Variants in EHD4 observed in about 807,000 individuals in gnomAD.
The protein encoded by EHD4 is EH domain containing 4.
In EHD4, 37 loss-of-function variants were observed where a neutral mutation model predicts 51.0. That is an observed-to-expected ratio of 0.73 (90% confidence interval 0.56 to 0.95). The LOEUF (loss-of-function observed/expected upper bound fraction) is 0.95. Ranked by LOEUF, EHD4 falls within the 40% of genes least tolerant of loss-of-function variation. EHD4 has a pLI of 0.00. For synonymous variants in EHD4, 297 were observed against 317.3 expected, an observed-to-expected ratio of 0.94 and a Z score of 0.68; for missense variants, 632 against 733.1, an observed-to-expected ratio of 0.86 and a Z score of 1.59.
Position 41,900,740 on chromosome 15 carries a change from T to C in EHD4, c.1531A>G (p.Ile511Val), listed in dbSNP as rs371416573. The part of the protein sequence containing the change: ...EEEFALAKHL[I>V]KIKLDGYELP... The stretch of plus-strand genomic sequence containing the variant: ...TCGTAGCCGTCGAGCTTGATCTTGA[T>C]GAGGTGCTTGGCCAGCGCGAACTCC... Residue 511 changes from isoleucine to valine, a missense_variant, in exon 6 of 6, where the codon ATC becomes GTC. Coordinates refer to ENST00000220325, the MANE Select transcript of EHD4 (RefSeq NM_139265.4). This position sits in a 1 kb window ranked among gnomAD's most constrained non-coding sequence, Gnocchi z 4.8. The C allele has an allele frequency of 1.3e-5, 21 of 1,613,318 alleles. No homozygotes were observed. In the African/African-American group the frequency reaches 2.5e-4, roughly 19 times the overall value.
Position 41,903,457 on chromosome 15 carries a change from C to T in EHD4, c.1090-2276G>A, listed in dbSNP as rs1277455968. 2.3e-4 allele frequency among the ~76,000 whole-genome samples: 11 copies of T among 48,136 alleles called. No individual in the cohort carries two copies. The East Asian group carries it at 2.7e-3, about 12-fold the overall frequency. 31.6% of individuals were successfully genotyped at this position (48,136 alleles called of 152,430 possible). On this transcript the variant is annotated intron_variant, in intron 5 of 5. Transcript: ENST00000220325. ...ATTTCTAGCCATTAACATACATACACACACACACACACACACACACACACA... is the reference window on the plus strand; with the variant it reads ...ATTTCTAGCCATTAACATACATACATACACACACACACACACACACACACA...
At position 41,924,359 on chromosome 15, in the gene EHD4, C is replaced by T. The variant is rs545828398; in HGVS notation, c.512-4737G>A. 5.3e-5 allele frequency among the ~76,000 whole-genome samples: 8 copies of T among 152,304 alleles called. No homozygotes were observed. In the South Asian group the frequency reaches 8.3e-4, roughly 16 times the overall value. ...CTGGCTCCATCACTTACTAATTCTG[C>T]GACCTTGGGCAAATTACTTCACCTC... On this transcript the variant is annotated intron_variant, in intron 3 of 5. Coordinates refer to ENST00000220325, the MANE Select transcript of EHD4 (RefSeq NM_139265.4).
Position 41,930,552 on chromosome 15 carries a change from CT to C in EHD4, c.512-10931del, listed in dbSNP as rs1357825066. 2.0e-5 allele frequency among the ~76,000 whole-genome samples: 3 copies of C among 152,248 alleles called. No individual in the cohort carries two copies. The East Asian group carries it at 5.8e-4, about 29-fold the overall frequency. ...AAATGTTAAACCAACGGGATGACAA[CT>C]GGGGTCATAAAGGGCTAGAAAGCAA... On this transcript the variant is annotated intron_variant, in intron 3 of 5. Transcript: ENST00000220325.
chr15:41,923,311 G>C (rs1231008477), intron 3 of EHD4, among the ~76,000 whole-genome samples: 1 of 152,102 alleles, frequency 6.6e-6, no homozygotes, highest in Non-Finnish European at 1.5e-5. Flanking sequence ...ATGTGTCAGA[G>C]TCTCTCCCTC....
At chr15:41,952,742 C>T (rs1234705222) in intron 2 of EHD4, among the ~76,000 whole-genome samples, 1 of 152,092 alleles carries the variant, frequency 6.6e-6, no homozygotes, top group Non-Finnish European at 1.5e-5. Flanking sequence ...GTAATCCCAG[C>T]ACTCTGGGAA....
chr15:41,907,511 G>C (rs1443076270), intron 5 of EHD4, among the ~76,000 whole-genome samples: 1 of 152,184 alleles, frequency 6.6e-6, no homozygotes, highest in Non-Finnish European at 1.5e-5. Context: ...ACATTTCTCT[G>C]TTGTGTGTGC....
At chr15:41,963,599 C>CAAAAAAAA (rs763703781) in intron 1 of EHD4, among the ~76,000 whole-genome samples, 1 of 62,206 alleles carries the variant, frequency 1.6e-5, no homozygotes, top group Non-Finnish European at 3.2e-5. Context: ...GAGTCTGTTT[C>CAAAAAAAA]AAAAAAAAAA....
intron 1 of EHD4, among the ~76,000 whole-genome samples, chr15:41,955,533 T>G (rs2067882049): frequency 6.6e-6 from 1 of 152,166 alleles, no homozygotes; most frequent in Admixed American, 6.5e-5. Flanking sequence ...CTGGCTACCC[T>G]GACAACAAGG....
At chr15:41,912,200 C>T (rs969369844) in intron 4 of EHD4, among the ~76,000 whole-genome samples, 10 of 152,178 alleles carry the variant, frequency 6.6e-5, no homozygotes, top group African/African-American at 2.2e-4. Context: ...CTTGGTGCCA[C>T]CTGAGTCATG....
intron 3 of EHD4, among the ~76,000 whole-genome samples, chr15:41,920,080 T>A (rs2067614792): frequency 6.6e-6 from 1 of 152,170 alleles, no homozygotes; most frequent in South Asian, 2.1e-4. Flanking sequence ...CATGGGGGTA[T>A]CCAGTAAGCA....
Position 41,919,606 on chromosome 15 carries a change from C to G in EHD4, c.528G>C (p.Gln176His). ...CCCTCTCGGCAAACCACTGCAGGAC[C>G]TGGCAGAAGTCATAGCCTGGGTGGA... Reference protein sequence around the residue: ...QRISRGYDFCQVLQWFAERVD... With the variant: ...QRISRGYDFCHVLQWFAERVD... The change falls in exon 4 of 6, where the codon CAG becomes CAC. Residue 176 changes from glutamine (Q) to histidine (H), a missense_variant. Coordinates refer to ENST00000220325, the MANE Select transcript of EHD4 (RefSeq NM_139265.4). 1 of 1,513,514 alleles carries G rather than the reference C, an allele frequency of 6.6e-7. No individual in the cohort carries two copies. 93.8% of individuals were successfully genotyped at this position (1,513,514 alleles called of 1,614,324 possible). A position where few individuals can be genotyped will look rare whatever the true frequency, so the allele number is the denominator to read the frequency against.
At chr15:41,949,255 A>G (rs2067837628) in intron 2 of EHD4, among the ~76,000 whole-genome samples, 1 of 151,622 alleles carries the variant, frequency 6.6e-6, no homozygotes. Context: ...CTGTAATCCC[A>G]GCTACTCGGG....
chr15:41,942,226 T>C (rs17739125), intron 3 of EHD4: 82,483 of 151,066 alleles, frequency 0.55, 23,596 homozygotes, highest in African/African-American at 0.72. Flanking sequence ...CGGAGGGAGA[T>C]AGCAGGCCCA....
chr15:41,960,557 T>A (rs2067917800), intron 1 of EHD4, among the ~76,000 whole-genome samples: 1 of 152,210 alleles, frequency 6.6e-6, no homozygotes, highest in South Asian at 2.1e-4. Flanking sequence ...AGCTTTCTAT[T>A]TTTTGCTGTT....
chr15:41,947,481 G>A lies in EHD4; in HGVS notation c.414-4317C>T, dbSNP rs146047974. Among the ~76,000 whole-genome samples the A allele has an allele frequency of 7.2e-5, 11 of 152,292 alleles. No individual in the cohort carries two copies. The East Asian group carries it at 9.6e-4, about 13-fold the overall frequency. The stretch of plus-strand genomic sequence containing the variant: ...GTTCAAATAAACCTAAGCTTACAGC[G>A]GAGAGAGTATAGAATTGTTTCAAAG... On this transcript the variant is annotated intron_variant, in intron 2 of 5. Coordinates refer to ENST00000220325, the MANE Select transcript of EHD4 (RefSeq NM_139265.4).
intron 4 of EHD4, among the ~76,000 whole-genome samples, chr15:41,918,158 G>A (rs2067597950): frequency 6.6e-6 from 1 of 151,818 alleles, no homozygotes; most frequent in Non-Finnish European, 1.5e-5. Flanking sequence ...ACCCTTCCCA[G>A]AGCACTCATG....
At chr15:41,923,796 CAT>C (rs2067643227) in intron 3 of EHD4, among the ~76,000 whole-genome samples, 4 of 152,208 alleles carry the variant, frequency 2.6e-5, no homozygotes, top group Admixed American at 2.6e-4. Context: ...TTAGGTGGTG[CAT>C]CACAGGTCGA....
In EHD4 at chr15:41,901,045, G is replaced by T. The variant is rs777607102; in HGVS notation, c.1226C>A (p.Thr409Lys). 1.9e-6 allele frequency: 3 copies of T among 1,612,434 alleles called. No homozygotes were observed. The African/African-American group carries it at 4.0e-5, about 22-fold the overall frequency. ...GAAGGCGCCGCCCTGCACCAGCTGC[G>T]TGGGCGTGCTCGTCTCCTCCTGGCT... Reference protein sequence around the residue: ...LISQEETSTPTQLVQGGAFDG... With the variant: ...LISQEETSTPKQLVQGGAFDG... Residue 409 changes from threonine (T) to lysine (K), a missense_variant, in exon 6 of 6, where the codon ACG becomes AAG. By Grantham distance (78) the Thr-to-Lys change is moderately conservative (BLOSUM62 -1). Transcript: ENST00000220325.
intron 1 of EHD4, among the ~76,000 whole-genome samples, chr15:41,968,876 T>C (rs1017340726): frequency 1.3e-5 from 2 of 152,210 alleles, no homozygotes; most frequent in African/African-American, 4.8e-5. Flanking sequence ...CCAATATCAT[T>C]ATCCAATTTC....
Sources: allele counts gnomAD v4.1 joint callset (sites outside exome capture counted in the v4.1 genomes callset), GRCh38; gene constraint gnomAD v4.1.1; non-coding constraint Gnocchi (gnomAD v3.1); transcripts MANE v1.5; gene names NCBI Gene and HGNC (gene_info 2026-07-23, HGNC 2026-07-21).